Variants in SNX29 observed in about 807,000 individuals in gnomAD.
SNX29 encodes the protein sorting nexin-29.
In SNX29, 78 loss-of-function variants were observed where a neutral mutation model predicts 102.1. That is an observed-to-expected ratio of 0.76 (90% CI 0.64 to 0.92). The LOEUF is 0.92. Among genes scored for constraint, SNX29 ranks in the 40% least tolerant of loss-of-function variants. The probability of loss-of-function intolerance (pLI) is 0.00; values close to 1 mark genes in which losing one functional copy is unlikely to be tolerated. For missense variants in SNX29, 1,280 were observed against 1,061.7 expected (o/e 1.21, Z -2.86); for synonymous variants, 580 against 414.5 (o/e 1.40, Z -4.85).
chr16:12,243,965 A>G (rs576744519), intron 14 of SNX29, among the ~76,000 whole-genome samples: 1 of 152,324 alleles, frequency 6.6e-6, no homozygotes, highest in African/African-American at 2.4e-5. Flanking sequence ...CACCAATAAA[A>G]TTACTCTACT....
intron 14 of SNX29, among the ~76,000 whole-genome samples, chr16:12,275,214 T>C (rs2079207677): frequency 1.3e-5 from 2 of 152,220 alleles, no homozygotes; most frequent in Admixed American, 1.3e-4. Context: ...AAAGTTTTTT[T>C]AGATTCCTGG....
chr16:12,076,385 C>T (rs2051571904), intron 10 of SNX29, among the ~76,000 whole-genome samples: 1 of 151,742 alleles, frequency 6.6e-6, no homozygotes, highest in South Asian at 2.1e-4. Flanking sequence ...ACTGCAACAT[C>T]CGCCTCCTGG....
intron 13 of SNX29, among the ~76,000 whole-genome samples, chr16:12,137,057 C>T (rs1486145744): frequency 6.6e-6 from 1 of 152,108 alleles, no homozygotes; most frequent in African/African-American, 2.4e-5. Flanking sequence ...GACTTTTTAG[C>T]GGGCATGTTA....
At chr16:12,212,797 A>G (rs1474234582) in intron 14 of SNX29, among the ~76,000 whole-genome samples, 3 of 152,198 alleles carry the variant, frequency 2.0e-5, no homozygotes, top group Non-Finnish European at 4.4e-5. Flanking sequence ...AAAACGTGGT[A>G]TGTATACATC....
chr16:12,255,966 A>G (rs1322334614), intron 14 of SNX29, among the ~76,000 whole-genome samples: 3 of 152,172 alleles, frequency 2.0e-5, no homozygotes, highest in African/African-American at 7.2e-5. Flanking sequence ...TGTTTTCCAT[A>G]ACGGCTGTAC....
chr16:12,119,460 A>G (rs530093406), intron 11 of SNX29, among the ~76,000 whole-genome samples: 2 of 152,308 alleles, frequency 1.3e-5, no homozygotes, highest in South Asian at 4.1e-4. Flanking sequence ...TTTCTTCTGT[A>G]CCTTGTGACT....
rs2055973891 is a variant in SNX29, at chr16:11,994,324, A to G, written c.8-4973A>G. 2.0e-5 allele frequency among the ~76,000 whole-genome samples: 3 copies of G among 152,312 alleles called. No individual in the cohort carries two copies. The South Asian group carries it at 6.2e-4, about 32-fold the overall frequency. ...GATGGTGATCTAAATGAGAAATAAA[A>G]AGAAGCCTGTTCTTGTTCACCTGGT... On this transcript the variant is annotated intron_variant, in intron 1 of 20. Coordinates refer to ENST00000566228, the MANE Select transcript of SNX29 (RefSeq NM_032167.5).
At chr16:11,991,521 AATTT>A (rs1338054916) in intron 1 of SNX29, among the ~76,000 whole-genome samples, 3 of 151,616 alleles carry the variant, frequency 2.0e-5, no homozygotes, top group Non-Finnish European at 2.9e-5. Flanking sequence ...AATATATGTA[AATTT>A]ATTTATTTAT....
chr16:12,183,068 T>C (rs1386108021), intron 13 of SNX29, among the ~76,000 whole-genome samples: 1 of 151,980 alleles, frequency 6.6e-6, no homozygotes. Flanking sequence ...CAGTAGATCA[T>C]AGCTCACTGC....
chr16:12,076,232 C>T (rs1410361701), intron 10 of SNX29, among the ~76,000 whole-genome samples: 1 of 152,140 alleles, frequency 6.6e-6, no homozygotes, highest in Non-Finnish European at 1.5e-5. Context: ...CAGAAATCAC[C>T]CATCTTCTGC....
chr16:12,044,590 T>C (rs1434141291), intron 5 of SNX29, among the ~76,000 whole-genome samples: 2 of 152,006 alleles, frequency 1.3e-5, no homozygotes, highest in African/African-American at 4.8e-5. Context: ...TTTCTTTCCT[T>C]TTTTTTGAGA....
chr16:12,118,119 A>T (rs1461431718), intron 11 of SNX29, among the ~76,000 whole-genome samples: 1 of 151,920 alleles, frequency 6.6e-6, no homozygotes, highest in Non-Finnish European at 1.5e-5. Flanking sequence ...AAAGAAAAAA[A>T]ACTTTCAGCT....
chr16:12,155,310 C>T (rs1305815503), intron 13 of SNX29, among the ~76,000 whole-genome samples: 3 of 152,116 alleles, frequency 2.0e-5, no homozygotes, highest in African/African-American at 4.8e-5. Flanking sequence ...ATAGAAAAAT[C>T]CTGTGTTAAG....
intron 20 of SNX29, among the ~76,000 whole-genome samples, chr16:12,554,371 GGT>G (rs1387724917): frequency 1.1e-5 from 1 of 90,954 alleles, no homozygotes; most frequent in Non-Finnish European, 1.8e-5. Flanking sequence ...GTGTCTTGAA[GGT>G]GTTTCTGTGC....
chr16:12,345,991 G>T (rs151001465), intron 15 of SNX29, among the ~76,000 whole-genome samples: 2 of 152,186 alleles, frequency 1.3e-5, no homozygotes, highest in South Asian at 2.1e-4. Context: ...ACCCAAGCCA[G>T]TCCCACTCCC....
chr16:12,157,361 C>G (rs963548570), intron 13 of SNX29, among the ~76,000 whole-genome samples: 9 of 152,092 alleles, frequency 5.9e-5, no homozygotes, highest in African/African-American at 1.9e-4. Context: ...GCGATGTGCA[C>G]ACACTGGCCC....
intron 20 of SNX29, among the ~76,000 whole-genome samples, chr16:12,567,321 G>C (rs117016930): frequency 6.6e-6 from 1 of 152,098 alleles, no homozygotes. Flanking sequence ...GAGGTGCTGC[G>C]GACGCAGGAG....
intron 20 of SNX29, among the ~76,000 whole-genome samples, chr16:12,559,706 C>T (rs1427774798): frequency 6.6e-6 from 1 of 152,100 alleles, no homozygotes; most frequent in African/African-American, 2.4e-5. Context: ...TTCCCATCTC[C>T]CATGGTGAGA....
intron 15 of SNX29, among the ~76,000 whole-genome samples, chr16:12,332,524 C>T (rs933259879): frequency 1.3e-5 from 2 of 152,154 alleles, no homozygotes; most frequent in Non-Finnish European, 2.9e-5. Context: ...CTCCCCCGTC[C>T]TCGTCATATT....
Sources: allele counts gnomAD v4.1 joint callset (sites outside exome capture counted in the v4.1 genomes callset), GRCh38; gene constraint gnomAD v4.1.1; transcripts MANE v1.5; gene names NCBI Gene and HGNC (gene_info 2026-07-23, HGNC 2026-07-21).